The following KCNQ3 variants were observed in gnomAD, a reference collection of about 807,000 sequenced individuals.
KCNQ3 encodes the protein potassium voltage-gated channel subfamily KQT member 3.
Under a neutral mutation model 92.5 loss-of-function variants are expected in KCNQ3, and 30 were observed. The ratio of observed to expected loss-of-function variants is 0.32; its 90% CI spans 0.24 to 0.44. KCNQ3 has a LOEUF of 0.44. KCNQ3 is among the 20% of genes least tolerant of loss of function. KCNQ3 has a pLI of 1.00. For synonymous variants in KCNQ3, 450 were observed against 468.8 expected, an observed-to-expected ratio of 0.96 and a Z score of 0.52; for missense variants, 913 against 1,140.3, an observed-to-expected ratio of 0.80 and a Z score of 2.87.
chr8:132,288,250 T>C (rs1481755624), intron 1 of KCNQ3, among the ~76,000 whole-genome samples: 20 of 152,216 alleles, frequency 1.3e-4, no homozygotes, highest in Admixed American at 1.2e-3. Context: ...ATTGGATTAA[T>C]TTAGCCCCCC....
At chr8:132,479,987 CA>C (rs1563925565) in intron 1 of KCNQ3, among the ~76,000 whole-genome samples, 159 bp downstream of exon 1, 17 of 151,422 alleles carry the variant, frequency 1.1e-4, no homozygotes, top group East Asian at 9.7e-4. Flanking sequence ...CACACACACA[CA>C]CACACCCAGG....
At chr8:132,179,997 C>T (rs548761444) in intron 4 of KCNQ3, among the ~76,000 whole-genome samples, 160 bp downstream of exon 4, 2 of 152,216 alleles carry the variant, frequency 1.3e-5, no homozygotes, top group Non-Finnish European at 2.9e-5. Context: ...ACCCCAGCCC[C>T]GCCACTTCCT....
At chr8:132,308,388 G>T (rs1204287228) in intron 1 of KCNQ3, among the ~76,000 whole-genome samples, 1 of 152,122 alleles carries the variant, frequency 6.6e-6, no homozygotes, top group Non-Finnish European at 1.5e-5. Context: ...TGGAGGGCAG[G>T]GGGAGCCCAG....
intron 1 of KCNQ3, among the ~76,000 whole-genome samples, chr8:132,200,290 A>T (rs983893482): frequency 3.3e-5 from 5 of 151,928 alleles, no homozygotes; most frequent in Non-Finnish European, 5.9e-5. Flanking sequence ...TTTGTAAATA[A>T]TTTTTTATTA....
chr8:132,269,311 A>C lies in KCNQ3; in HGVS notation c.387-83130T>G, dbSNP rs947588843. Among the ~76,000 whole-genome samples, 6 of 152,072 alleles carry C rather than the reference A, an allele frequency of 3.9e-5. No homozygotes were observed. In the East Asian group the frequency reaches 1.2e-3, roughly 29 times the overall value. On this transcript the variant is annotated intron_variant, in intron 1 of 14. Transcript: ENST00000388996. ...CCCAAAGTCATCTAGATTTTCTCCTATGTTTCCTCCTATAGTTTTGTGTTT... is the reference window on the plus strand; with the variant it reads ...CCCAAAGTCATCTAGATTTTCTCCTCTGTTTCCTCCTATAGTTTTGTGTTT...
At chr8:132,374,871 G>C (rs1360338879) in intron 1 of KCNQ3, among the ~76,000 whole-genome samples, 3 of 152,114 alleles carry the variant, frequency 2.0e-5, no homozygotes, top group Admixed American at 2.0e-4. Flanking sequence ...TCTTTTTTAT[G>C]GCTGCATAGT....
intron 1 of KCNQ3, among the ~76,000 whole-genome samples, chr8:132,437,075 C>T (rs1035678344): frequency 2.0e-5 from 3 of 151,428 alleles, no homozygotes; most frequent in East Asian, 2.0e-4. Flanking sequence ...GTCAGGAGAT[C>T]GAGACCATCC....
intron 1 of KCNQ3, among the ~76,000 whole-genome samples, chr8:132,391,272 T>TA (rs1448269520): frequency 1.3e-4 from 20 of 152,174 alleles, no homozygotes; most frequent in Non-Finnish European, 2.9e-5. Flanking sequence ...GGGCAGAGCT[T>TA]AAAACTTCAT....
At chr8:132,369,230 T>G (rs1312753664) in intron 1 of KCNQ3, among the ~76,000 whole-genome samples, 2 of 152,210 alleles carry the variant, frequency 1.3e-5, no homozygotes, top group Non-Finnish European at 2.9e-5. Flanking sequence ...GCTGGGGTTG[T>G]GTTTCTTAGG....
intron 1 of KCNQ3, among the ~76,000 whole-genome samples, chr8:132,456,466 T>G (rs1000502993): frequency 6.1e-5 from 9 of 147,636 alleles, no homozygotes; most frequent in Admixed American, 4.0e-4. Flanking sequence ...GGATTGAGGG[T>G]GTGTGTGTGT....
chr8:132,255,566 G>A (rs534759511), intron 1 of KCNQ3, among the ~76,000 whole-genome samples: 20 of 152,226 alleles, frequency 1.3e-4, no homozygotes, highest in Middle Eastern at 3.4e-3. Flanking sequence ...ATAAAGACCC[G>A]AGAGAGCCCT....
chr8:132,291,111 A>C (rs961961506), intron 1 of KCNQ3, among the ~76,000 whole-genome samples: 2 of 152,222 alleles, frequency 1.3e-5, no homozygotes, highest in Non-Finnish European at 2.9e-5. Context: ...TTGTACAGTA[A>C]GCCAGACTAG....
chr8:132,441,417 G>A (rs944784420), intron 1 of KCNQ3, among the ~76,000 whole-genome samples: 6 of 152,084 alleles, frequency 3.9e-5, no homozygotes, highest in Admixed American at 6.6e-5. Flanking sequence ...AGCCAGGCGC[G>A]GTGGCAGGCA....
chr8:132,318,686 G>A (rs1460558427), intron 1 of KCNQ3, among the ~76,000 whole-genome samples: 1 of 152,204 alleles, frequency 6.6e-6, no homozygotes. Flanking sequence ...TGGGGTGCCG[G>A]TCCTGAAAAG....
intron 2 of KCNQ3, 116 bp from the exon 3 acceptor site, chr8:132,184,483 G>C: frequency 8.3e-7 from 1 of 1,211,752 alleles, no homozygotes; most frequent in South Asian, 1.2e-5. Context: ...CTGGTTGTCT[G>C]GTTGGCAGGG....
intron 1 of KCNQ3, among the ~76,000 whole-genome samples, chr8:132,436,065 A>T (rs1391705919): frequency 6.6e-6 from 1 of 152,250 alleles, no homozygotes; most frequent in Non-Finnish European, 1.5e-5. Context: ...CCTTCATTCC[A>T]GGAAAAGCAT....
chr8:132,313,951 T>G (rs1817670705), intron 1 of KCNQ3, among the ~76,000 whole-genome samples: 1 of 152,178 alleles, frequency 6.6e-6, no homozygotes, highest in Non-Finnish European at 1.5e-5. Flanking sequence ...GATTAAACAC[T>G]TAATGAACAG....
chr8:132,366,507 C>A (rs1054124645), intron 1 of KCNQ3, among the ~76,000 whole-genome samples: 1 of 152,092 alleles, frequency 6.6e-6, no homozygotes, highest in Non-Finnish European at 1.5e-5. Flanking sequence ...ATGGTAGATG[C>A]TCTTACCTTT....
chr8:132,141,306 C>T lies in KCNQ3; in HGVS notation c.1288G>A (p.Val430Ile). ...CTACCACGAGGATTAGAAAGGCGAA[C>T]CCGATCCAAGAGACCCAGCTTTTGG... ...SSQKLGLLDR[V>I]RLSNPRGSNT... The change falls in exon 10 of 15, where the codon GTT becomes ATT. Residue 430 changes from valine (V) to isoleucine (I), a missense_variant. This residue lies in a region of KCNQ3 where 182 missense variants were observed against 234.5 expected (regional missense o/e 0.78). Coordinates refer to ENST00000388996, the MANE Select transcript of KCNQ3 (RefSeq NM_004519.4). The T allele has an allele frequency of 6.2e-7, 1 of 1,614,142 alleles. No homozygotes were observed. The highest frequency in any genetic ancestry group is 8.5e-7 in the Non-Finnish European group (1 of 1,180,024).
Sources: gnomAD v4.1 joint callset for allele counts (sites outside exome capture counted in the v4.1 genomes callset) on GRCh38, gnomAD v4.1.1 for gene constraint, gnomAD v4.1.1 regional missense constraint, MANE v1.5 for transcripts, NCBI Gene and HGNC (gene_info 2026-07-23, HGNC 2026-07-21) for gene names.